KCND2: variants seen among roughly 807,000 people sequenced by gnomAD.
KCND2 encodes the protein A-type voltage-gated potassium channel KCND2.
KCND2 carries 16 observed loss-of-function variants against 54.4 expected under a neutral mutation model. The observed-to-expected ratio is 0.29, with a 90% CI of 0.20 to 0.45. KCND2 has a LOEUF of 0.45. Among genes scored for constraint, KCND2 ranks in the 20% least tolerant of loss-of-function variants. The pLI is 1.00. For synonymous variants in KCND2, 317 were observed against 310.7 expected (o/e 1.02, Z -0.21); for missense variants, 486 against 824.2 (o/e 0.59, Z 5.02).
chr7:120,321,689 A>G (rs1437229051), intron 1 of KCND2, among the ~76,000 whole-genome samples: 1 of 152,190 alleles, frequency 6.6e-6, no homozygotes, highest in East Asian at 1.9e-4. Context: ...TTTTTCTTCC[A>G]TTTATTGACT....
intron 1 of KCND2, among the ~76,000 whole-genome samples, chr7:120,645,522 A>T (rs912321034): frequency 1.3e-5 from 2 of 152,078 alleles, no homozygotes; most frequent in Non-Finnish European, 2.9e-5. Context: ...GGCTGGCCAC[A>T]TGACAAGTGG....
intron 1 of KCND2, among the ~76,000 whole-genome samples, chr7:120,487,728 A>G (rs557403292): frequency 4.0e-4 from 61 of 152,336 alleles, no homozygotes; most frequent in African/African-American, 1.4e-3. Context: ...TGGACACATC[A>G]CCATCACTAT....
chr7:120,295,528 T>C (rs1042427425), intron 1 of KCND2, among the ~76,000 whole-genome samples: 1 of 151,862 alleles, frequency 6.6e-6, no homozygotes, highest in Non-Finnish European at 1.5e-5. Context: ...CACAGAAGGC[T>C]TGCTAATGGT....
intron 1 of KCND2, among the ~76,000 whole-genome samples, chr7:120,314,470 A>T (rs1009629947): frequency 6.6e-6 from 1 of 152,162 alleles, no homozygotes; most frequent in Non-Finnish European, 1.5e-5. Flanking sequence ...GGGAGAATAA[A>T]TGTGTAATCA....
intron 1 of KCND2, among the ~76,000 whole-genome samples, chr7:120,405,159 A>C (rs1801332550): frequency 6.6e-6 from 1 of 152,172 alleles, no homozygotes; most frequent in African/African-American, 2.4e-5. Context: ...CCAGAATTAA[A>C]AATGTCCAGT....
intron 1 of KCND2, among the ~76,000 whole-genome samples, chr7:120,492,610 C>T (rs540120098): frequency 2.6e-4 from 39 of 152,142 alleles, no homozygotes; most frequent in African/African-American, 7.9e-4. Flanking sequence ...TGTCCTGAAA[C>T]GCAAAGCAGC....
chr7:120,606,961 T>C (rs978072620), intron 1 of KCND2, among the ~76,000 whole-genome samples: 4 of 152,140 alleles, frequency 2.6e-5, no homozygotes, highest in Non-Finnish European at 4.4e-5. Context: ...GGTTTTGCTG[T>C]GGATTGCATT....
At chr7:120,313,360 T>A (rs1413950736) in intron 1 of KCND2, among the ~76,000 whole-genome samples, 1 of 152,136 alleles carries the variant, frequency 6.6e-6, no homozygotes, top group Non-Finnish European at 1.5e-5. Flanking sequence ...TGCATGACAA[T>A]TAAATAGATA....
chr7:120,655,726 A>G (rs1791793829), intron 1 of KCND2, among the ~76,000 whole-genome samples: 1 of 152,144 alleles, frequency 6.6e-6, no homozygotes, highest in Non-Finnish European at 1.5e-5. Flanking sequence ...CCTTTAAAAA[A>G]CAATGAATTA....
chr7:120,575,913 T>A (rs537914374), intron 1 of KCND2, among the ~76,000 whole-genome samples: 1 of 152,376 alleles, frequency 6.6e-6, no homozygotes, highest in East Asian at 1.9e-4. Flanking sequence ...TGTCTAAGGT[T>A]CTTAAAAATT....
intron 1 of KCND2, among the ~76,000 whole-genome samples, chr7:120,516,832 C>T (rs1803203812): frequency 6.6e-6 from 1 of 152,108 alleles, no homozygotes; most frequent in African/African-American, 2.4e-5. Flanking sequence ...ATAGAGGGAA[C>T]ATGTTTTAAT....
chr7:120,322,132 T>C (rs1012323497), intron 1 of KCND2, among the ~76,000 whole-genome samples: 13 of 152,056 alleles, frequency 8.5e-5, no homozygotes, highest in Non-Finnish European at 1.8e-4. Context: ...GAAAATTTAA[T>C]ATCAAGTAAA....
At chr7:120,653,168 G>A (rs754311588) in intron 1 of KCND2, among the ~76,000 whole-genome samples, 3 of 151,192 alleles carry the variant, frequency 2.0e-5, no homozygotes, top group Admixed American at 6.6e-5. Flanking sequence ...AAGTAACTGG[G>A]ACCCACAGGC....
intron 1 of KCND2, among the ~76,000 whole-genome samples, chr7:120,368,265 G>C (rs985372045): frequency 7.2e-5 from 11 of 151,986 alleles, no homozygotes; most frequent in Admixed American, 7.2e-4. Context: ...TCTTAGTGGT[G>C]AAACTGCTAA....
intron 1 of KCND2, among the ~76,000 whole-genome samples, chr7:120,578,043 GAGAAGAAGA>G (rs10540913): frequency 1.3e-5 from 2 of 149,900 alleles, no homozygotes; most frequent in Non-Finnish European, 3.0e-5. Flanking sequence ...GGAGAAGAAG[GAGAAGAAGA>G]AGAAGAAGAA....
chr7:120,687,699 C>T lies in KCND2; in HGVS notation c.1116-45204C>T, dbSNP rs1792221305. 1.3e-5 allele frequency among the ~76,000 whole-genome samples: 2 copies of T among 152,114 alleles called. 1 individual carries two copies. Among genetic ancestry groups the T allele is most frequent in the Middle Eastern group, 6.8e-3 (2 of 294 alleles). ...ACCCCATCATGTTGTACATAATAAA[C>T]AAATGCAATTTTTATTTGTCAATTC... On this transcript the variant is annotated intron_variant, in intron 1 of 5. Transcript: ENST00000331113.
At chr7:120,640,318 GC>G (rs1268516329) in intron 1 of KCND2, among the ~76,000 whole-genome samples, 3 of 152,072 alleles carry the variant, frequency 2.0e-5, no homozygotes, top group African/African-American at 7.2e-5. Flanking sequence ...TTATATTTGG[GC>G]TCAATAAATA....
chr7:120,695,441 A>G (rs1482762847), intron 1 of KCND2, among the ~76,000 whole-genome samples: 1 of 152,194 alleles, frequency 6.6e-6, no homozygotes, highest in Non-Finnish European at 1.5e-5. Flanking sequence ...TTCACACTTT[A>G]TGTCAGACAT....
intron 1 of KCND2, among the ~76,000 whole-genome samples, chr7:120,539,972 G>A (rs1009043538): frequency 1.3e-5 from 2 of 152,180 alleles, no homozygotes; most frequent in African/African-American, 4.8e-5. Flanking sequence ...CCGTGCCAGA[G>A]ACGAAGAGGG....
Sources: gnomAD v4.1 joint callset for allele counts (sites outside exome capture counted in the v4.1 genomes callset) on GRCh38, gnomAD v4.1.1 for gene constraint, MANE v1.5 for transcripts, NCBI Gene and HGNC (gene_info 2026-07-23, HGNC 2026-07-21) for gene names.